The following PLPP4 variants were observed in gnomAD, a reference collection of about 807,000 sequenced individuals.
PLPP4 encodes phospholipid phosphatase 4.
Under a neutral mutation model 32.2 loss-of-function variants are expected in PLPP4, and 20 were observed. The ratio of observed to expected loss-of-function variants is 0.62; its 90% CI spans 0.44 to 0.90. The LOEUF is 0.90. Among genes scored for constraint, PLPP4 ranks in the 40% least tolerant of loss-of-function variants. The pLI, the probability that PLPP4 is intolerant of heterozygous loss-of-function variation, is 0.00. For synonymous variants in PLPP4, 127 were observed against 133.0 expected (o/e 0.95, Z 0.31); for missense variants, 257 against 353.1 (o/e 0.73, Z 2.18).
chr10:120,528,219 C>T (rs1589823690), intron 5 of PLPP4, among the ~76,000 whole-genome samples: 2 of 152,064 alleles, frequency 1.3e-5, no homozygotes, highest in South Asian at 2.1e-4. Context: ...GGACTACAGG[C>T]GCCTGCCACC....
intron 6 of PLPP4, among the ~76,000 whole-genome samples, chr10:120,585,920 G>A (rs1385053107): frequency 1.3e-5 from 2 of 152,106 alleles, no homozygotes; most frequent in East Asian, 1.9e-4. Flanking sequence ...GAGCAGACAC[G>A]AACCTGTATT....
chr10:120,470,024 T>G (rs887898674), intron 1 of PLPP4, among the ~76,000 whole-genome samples: 7 of 152,242 alleles, frequency 4.6e-5, no homozygotes, highest in African/African-American at 9.6e-5. Context: ...CACGTACATT[T>G]TAAATTCAGA....
chr10:120,546,469 C>T (rs1006246107), intron 5 of PLPP4, among the ~76,000 whole-genome samples: 2 of 152,176 alleles, frequency 1.3e-5, no homozygotes, highest in Non-Finnish European at 2.9e-5. Context: ...TTTAATAACT[C>T]GCTGGGGAAT....
At chr10:120,566,120 G>T (rs955916131) in intron 5 of PLPP4, among the ~76,000 whole-genome samples, 2 of 152,086 alleles carry the variant, frequency 1.3e-5, no homozygotes, top group Admixed American at 6.5e-5. Context: ...CAAGCATATT[G>T]CAAATAGTTA....
chr10:120,574,162 ACACACACTCTCTCTCTCTCT>A (rs1410075951), intron 5 of PLPP4, among the ~76,000 whole-genome samples: 148 of 104,112 alleles, frequency 1.4e-3, no homozygotes, highest in Admixed American at 4.4e-3. Context: ...ACACACACAC[ACACACACTCTCTCTCTCTCT>A]CTCTCTCTCT....
intron 5 of PLPP4, among the ~76,000 whole-genome samples, chr10:120,526,898 G>A (rs1846418801): frequency 1.3e-5 from 2 of 152,174 alleles, no homozygotes; most frequent in South Asian, 4.1e-4. Context: ...CCTCTCATCA[G>A]CACCACCCTC....
At chr10:120,540,998 A>G (rs1847313885) in intron 5 of PLPP4, among the ~76,000 whole-genome samples, 1 of 152,222 alleles carries the variant, frequency 6.6e-6, no homozygotes, top group African/African-American at 2.4e-5. Flanking sequence ...TACCATGACC[A>G]TTCATTTTAA....
chr10:120,576,526 C>A (rs796909808), intron 6 of PLPP4, among the ~76,000 whole-genome samples: 5 of 152,356 alleles, frequency 3.3e-5, no homozygotes, highest in African/African-American at 1.2e-4. Context: ...ACAGCTTCTC[C>A]TGTTCCTTCC....
chr10:120,545,575 T>G (rs1424786457), intron 5 of PLPP4, among the ~76,000 whole-genome samples: 1 of 152,142 alleles, frequency 6.6e-6, no homozygotes, highest in Non-Finnish European at 1.5e-5. Context: ...GAAGGGAGGC[T>G]CAGAGACCTC....
At chr10:120,574,191 C>G (rs1462780259) in intron 5 of PLPP4, among the ~76,000 whole-genome samples, 1 of 138,566 alleles carries the variant, frequency 7.2e-6, no homozygotes, top group Non-Finnish European at 1.5e-5. Flanking sequence ...CTCTCTCTCT[C>G]TCTCTCTCTC....
intron 1 of PLPP4, 110 bp downstream of exon 1, chr10:120,457,471 T>C (rs1280685345): frequency 2.1e-6 from 2 of 939,650 alleles, no homozygotes; most frequent in Non-Finnish European, 3.1e-6. Context: ...GGGGCCTGGG[T>C]TCGAGGTCCC....
At chr10:120,507,346 CA>C (rs1564803271) in intron 2 of PLPP4, among the ~76,000 whole-genome samples, 1 of 90,366 alleles carries the variant, frequency 1.1e-5, no homozygotes, top group Admixed American at 1.2e-4. Flanking sequence ...GGAAGTTCTT[CA>C]TCATCATCAT....
intron 2 of PLPP4, 54 bp from the exon 3 acceptor site, chr10:120,513,857 C>T: frequency 7.5e-7 from 1 of 1,337,576 alleles, no homozygotes; most frequent in Non-Finnish European, 1.1e-6. Flanking sequence ...ATCAATCAGC[C>T]CTTCTGATAG....
Position 120,520,982 on chromosome 10 carries a change from ATT to A in PLPP4, c.334_335del (p.Phe112LeufsTer19). 6.2e-7 allele frequency: 1 copy of A among 1,613,740 alleles called. No homozygotes were observed. The highest frequency in any genetic ancestry group is 8.5e-7 in the Non-Finnish European group (1 of 1,179,912). ...GGTGTCTTTTGTAGACCTCGCCCCG[ATT>A]TCTTTTACCGCTGCTTTCCAGATGG... is the stretch of plus-strand genomic sequence containing the variant. On this transcript the variant is annotated frameshift_variant, in exon 5 of 7. Coordinates refer to ENST00000398250, the MANE Select transcript of PLPP4 (RefSeq NM_001030059.3). LOFTEE classifies it high-confidence loss of function.
chr10:120,524,848 A>G (rs1408453507), intron 5 of PLPP4, among the ~76,000 whole-genome samples: 1 of 152,258 alleles, frequency 6.6e-6, no homozygotes, highest in Non-Finnish European at 1.5e-5. Context: ...AAGCAGGGAT[A>G]TTCTGAAAAG....
chr10:120,565,202 C>T (rs1848627883), intron 5 of PLPP4, among the ~76,000 whole-genome samples: 2 of 152,178 alleles, frequency 1.3e-5, no homozygotes, highest in South Asian at 4.1e-4. Flanking sequence ...CCAACCTCTG[C>T]ATACTTTAAC....
rs528199925 is a variant in PLPP4 at position 120,512,104 on chromosome 10, C to A, written c.166-1807C>A. On this transcript the variant is annotated intron_variant, in intron 2 of 6. Coordinates refer to ENST00000398250, the MANE Select transcript of PLPP4 (RefSeq NM_001030059.3). ...GTGAGACTCCGTCTCAAAAAAAAAACAAAATGTACATTTCCAGACCAGCTG... is the reference window on the plus strand; with the variant it reads ...GTGAGACTCCGTCTCAAAAAAAAAAAAAAATGTACATTTCCAGACCAGCTG... 1.6e-3 allele frequency among the ~76,000 whole-genome samples: 248 copies of A among 151,718 alleles called. 1 individual carries two copies. Among genetic ancestry groups the A allele is most frequent in the Non-Finnish European group, 2.3e-3 (159 of 67,838 alleles).
At chr10:120,516,142 C>T (rs538583493) in intron 3 of PLPP4, among the ~76,000 whole-genome samples, 1 of 151,936 alleles carries the variant, frequency 6.6e-6, no homozygotes, top group Non-Finnish European at 1.5e-5. Context: ...TTTTCAATCA[C>T]TATTTTTAGG....
At chr10:120,559,377 TATTA>T (rs528533013) in intron 5 of PLPP4, among the ~76,000 whole-genome samples, 6 of 152,224 alleles carry the variant, frequency 3.9e-5, no homozygotes, top group Admixed American at 6.5e-5. Context: ...TTCGTGGATT[TATTA>T]ATTCTTTTAT....
Sources: allele counts gnomAD v4.1 joint callset (sites outside exome capture counted in the v4.1 genomes callset), GRCh38; gene constraint gnomAD v4.1.1; transcripts MANE v1.5; gene names NCBI Gene and HGNC (gene_info 2026-07-23, HGNC 2026-07-21).